The following RTL4 variants were observed in gnomAD, a reference collection of about 807,000 sequenced individuals.
RTL4 encodes the protein retrotransposon Gag like 4, also known as retrotransposon Gag-like protein 4.
Under a neutral mutation model 5.3 loss-of-function variants are expected in RTL4, and 4 were observed. The ratio of observed to expected loss-of-function variants is 0.75; its 90% CI spans 0.37 to 1.72. The LOEUF (loss-of-function observed/expected upper bound fraction) is 1.72. Among genes scored for constraint, RTL4 ranks in the 40% most tolerant of loss-of-function variants. The pLI is 0.04. For synonymous variants in RTL4, 98 were observed against 87.3 expected (o/e 1.12, Z -0.68); for missense variants, 260 against 227.1 (o/e 1.14, Z -0.93).
chrX:112,429,206 C>T, the RTL4 span, among the ~76,000 whole-genome samples: 1 of 110,997 alleles, frequency 9.0e-6, no homozygotes, highest in Non-Finnish European at 1.9e-5. Context: ...TTTTTATTGC[C>T]CGTGTTCTTT....
the RTL4 span, among the ~76,000 whole-genome samples, chrX:112,358,800 A>G: frequency 1.8e-5 from 2 of 111,858 alleles, no homozygotes; most frequent in East Asian, 2.8e-4. Context: ...CCTTTTCACT[A>G]TCCATCACTG....
chrX:112,268,849 A>G, the RTL4 span, among the ~76,000 whole-genome samples: 1 of 111,689 alleles, frequency 9.0e-6, no homozygotes, highest in South Asian at 3.8e-4. Context: ...TATCTTTTCT[A>G]CCTCTACTGC....
the RTL4 span, among the ~76,000 whole-genome samples, chrX:112,152,759 G>T: frequency 2.7e-5 from 3 of 111,874 alleles, no homozygotes; most frequent in Non-Finnish European, 3.8e-5. Flanking sequence ...CTTAATAAAC[G>T]TAAGGCTTTA....
chrX:112,294,321 G>A, the RTL4 span, among the ~76,000 whole-genome samples: 1 of 111,263 alleles, frequency 9.0e-6, no homozygotes, highest in African/African-American at 3.3e-5. Flanking sequence ...CCAAGGCCAG[G>A]CGCGGTGGCT....
chrX:112,256,866 A>G, the RTL4 span, among the ~76,000 whole-genome samples: 2 of 111,888 alleles, frequency 1.8e-5, no homozygotes, highest in African/African-American at 3.2e-5. Context: ...CATTAATTGT[A>G]TATCCAGCAA....
chrX:112,178,154 C>G, the RTL4 span, among the ~76,000 whole-genome samples: 7 of 111,174 alleles, frequency 6.3e-5, no homozygotes, highest in South Asian at 1.6e-3. Context: ...GCAGTACTCC[C>G]CTTTTGATGC....
the RTL4 span, among the ~76,000 whole-genome samples, chrX:112,435,663 C>G: frequency 1.3e-4 from 15 of 111,315 alleles, no homozygotes; most frequent in African/African-American, 4.2e-4. Context: ...AGGTAAAGCT[C>G]AAGAAAAACT....
chrX:112,185,334 T>C, the RTL4 span, among the ~76,000 whole-genome samples: 2 of 103,322 alleles, frequency 1.9e-5, no homozygotes, highest in East Asian at 6.1e-4. Context: ...TTACCCAAAT[T>C]TACGCAGGTT....
chrX:112,218,201 G>T, the RTL4 span, among the ~76,000 whole-genome samples: 2 of 112,239 alleles, frequency 1.8e-5, no homozygotes, highest in African/African-American at 6.5e-5. Flanking sequence ...AGGGACAAAA[G>T]TGAACAGCAG....
chrX:112,192,108 AT>A, the RTL4 span, among the ~76,000 whole-genome samples: 1 of 91,665 alleles, frequency 1.1e-5, no homozygotes, highest in Admixed American at 1.3e-4. Context: ...TTGATCATGT[AT>A]CCTGCAAATA....
rs1926808523 is a variant in RTL4 at position 112,454,908 on chromosome X, T to C, written c.180T>C (p.His60=). The stretch of plus-strand genomic sequence containing the variant: ...TGCCTGTACCATACTCACTTGAGCA[T>C]CTCACCCAGTTTCATGGTGACCCTG... The change falls in exon 1 of 1, where the codon CAT becomes CAC. Residue 60 remains histidine (H), a synonymous_variant. Coordinates refer to ENST00000340433, the Ensembl canonical transcript of RTL4. The C allele has an allele frequency of 4.1e-6, 5 of 1,210,549 alleles. No individual in the cohort carries two copies. In the East Asian group the frequency reaches 1.5e-4, roughly 36 times the overall value.
exon 1 of RTL4, chrX:112,455,739 C>A: frequency 1.0e-6 from 1 of 955,884 alleles, no homozygotes. Context: ...TTTTAAAATA[C>A]AGATGGGGAA....
the RTL4 span, among the ~76,000 whole-genome samples, chrX:112,421,198 T>G: frequency 9.8e-5 from 11 of 111,915 alleles, no homozygotes; most frequent in East Asian, 2.8e-3. Flanking sequence ...TAGAGTTTAT[T>G]GACTAAAACT....
At chrX:112,181,343 C>T in the RTL4 span, among the ~76,000 whole-genome samples, 2 of 111,418 alleles carry the variant, frequency 1.8e-5, no homozygotes, top group Non-Finnish European at 3.8e-5. Context: ...TGTTCACTCC[C>T]CTGAAAAGGG....
chrX:112,342,811 G>A, the RTL4 span, among the ~76,000 whole-genome samples: 1 of 111,837 alleles, frequency 8.9e-6, no homozygotes, highest in Admixed American at 9.5e-5. Flanking sequence ...AAATAAAAAG[G>A]GTACTTTTAG....
the RTL4 span, among the ~76,000 whole-genome samples, chrX:112,184,455 A>G: frequency 8.9e-6 from 1 of 112,599 alleles, no homozygotes. Flanking sequence ...TAACTCTCAC[A>G]TATCTATAAA....
the RTL4 span, among the ~76,000 whole-genome samples, chrX:112,269,592 G>T: frequency 8.9e-6 from 1 of 111,800 alleles, no homozygotes; most frequent in African/African-American, 3.2e-5. Context: ...ATAATGTTAT[G>T]CCTGTTTTTC....
chrX:112,240,191 G>A, the RTL4 span, among the ~76,000 whole-genome samples: 1 of 111,852 alleles, frequency 8.9e-6, no homozygotes. Flanking sequence ...TCCCTGGCCA[G>A]GTACAGTAGA....
the RTL4 span, among the ~76,000 whole-genome samples, chrX:112,329,726 AT>A: frequency 9.0e-6 from 1 of 111,365 alleles, no homozygotes; most frequent in Non-Finnish European, 1.9e-5. Flanking sequence ...TTTCAGACCA[AT>A]ATCCTTGATG....
Sources: gnomAD v4.1 joint callset for allele counts (sites outside exome capture counted in the v4.1 genomes callset) on GRCh38, gnomAD v4.1.1 for gene constraint, MANE v1.5 for transcripts, NCBI Gene and HGNC (gene_info 2026-07-23, HGNC 2026-07-21) for gene names.